Variants in TEX36 observed in about 807,000 individuals in gnomAD.
TEX36 encodes the protein testis-expressed protein 36.
Under a neutral mutation model 13.6 loss-of-function variants are expected in TEX36, and 12 were observed. The observed-to-expected ratio is 0.88, with a 90% CI of 0.56 to 1.43. The LOEUF (loss-of-function observed/expected upper bound fraction) is 1.43. Ranked by LOEUF, TEX36 falls within the 40% of genes most tolerant of loss-of-function variation. The pLI is 0.00. For missense variants in TEX36, 224 were observed against 228.3 expected (o/e 0.98, Z 0.12); for synonymous variants, 93 against 83.0 (o/e 1.12, Z -0.65).
chr10:125,612,970 C>A (rs1051767997), intron 3 of TEX36, among the ~76,000 whole-genome samples: 9 of 151,938 alleles, frequency 5.9e-5, no homozygotes, highest in Non-Finnish European at 1.3e-4. Flanking sequence ...CTAAAGGCAG[C>A]CACCAGCCAC....
chr10:125,601,207 T>C (rs540589322), intron 3 of TEX36, among the ~76,000 whole-genome samples: 1 of 152,396 alleles, frequency 6.6e-6, no homozygotes, highest in South Asian at 2.1e-4. Context: ...ATGTTTACAA[T>C]GTTTGAGGAA....
chr10:125,598,075 T>G lies in TEX36; in HGVS notation c.265-21201A>C, dbSNP rs967621946. Among the ~76,000 whole-genome samples, 4 of 151,866 alleles carry G rather than the reference T, an allele frequency of 2.6e-5. No individual in the cohort carries two copies. The South Asian group carries it at 8.3e-4, about 32-fold the overall frequency. On this transcript the variant is annotated intron_variant, in intron 3 of 3. Transcript: ENST00000532135. ...ATGCCAGGGTTAAGGAGGGTGGGAG[T>G]GGCAGGCCCCTAAGAGGGGTCCCTG... is the stretch of plus-strand genomic sequence containing the variant.
intron 1 of TEX36, among the ~76,000 whole-genome samples, chr10:125,679,139 C>CG (rs1847355831): frequency 7.9e-6 from 1 of 127,082 alleles, no homozygotes; most frequent in South Asian, 2.7e-4. Flanking sequence ...TACAGGAGCA[C>CG]CCCCCCCGCC....
chr10:125,588,345 CTG>C (rs1157309290), intron 3 of TEX36, among the ~76,000 whole-genome samples: 6 of 152,174 alleles, frequency 3.9e-5, no homozygotes, highest in Admixed American at 3.9e-4. Context: ...ATTTCACTTA[CTG>C]TGAATATGCG....
rs756593760 is a variant in TEX36 at position 125,656,155 on chromosome 10, A to G, written c.306T>C (p.His102=). The change falls in exon 4 of 4, where the codon CAT becomes CAC. Residue 102 remains histidine (H), a synonymous_variant. Coordinates refer to ENST00000368821, the MANE Select transcript of TEX36 (RefSeq NM_001128202.3). ...RKKISPDKRQ[H]VSRNFNLWAC... ...CCCAGAGATTAAAATTTCTTGAAAC[A>G]TGTTGCCTCTTATCTGGAGAGATCT... 6.5e-6 allele frequency: 10 copies of G among 1,543,108 alleles called. No individual in the cohort carries two copies. Among genetic ancestry groups the G allele is most frequent in the Non-Finnish European group, 1.7e-6 (2 of 1,144,656 alleles).
chr10:125,630,964 C>A (rs1301374359), intron 3 of TEX36, among the ~76,000 whole-genome samples: 1 of 151,916 alleles, frequency 6.6e-6, no homozygotes, highest in Non-Finnish European at 1.5e-5. Context: ...GGGAATGGGA[C>A]TTCTCCCTAT....
chr10:125,644,581 A>G (rs1160096064), intron 3 of TEX36, among the ~76,000 whole-genome samples: 1 of 152,222 alleles, frequency 6.6e-6, no homozygotes, highest in East Asian at 1.9e-4. Flanking sequence ...AAAACTGTGA[A>G]ATCTGAATAA....
intron 1 of TEX36, among the ~76,000 whole-genome samples, chr10:125,672,054 T>A (rs1380483084): frequency 6.6e-6 from 1 of 151,964 alleles, no homozygotes. Context: ...GTGGTCTATT[T>A]TATTAATGTT....
intron 3 of TEX36, among the ~76,000 whole-genome samples, chr10:125,580,920 C>A (rs1845874478): frequency 6.6e-6 from 1 of 152,170 alleles, no homozygotes; most frequent in Admixed American, 6.5e-5. Flanking sequence ...CTCTAAGGAC[C>A]TCAACCCAGA....
chr10:125,576,914 T>G, intron 3 of TEX36: 1 of 1,535,828 alleles, frequency 6.5e-7, no homozygotes. Flanking sequence ...TGAGTAGTTG[T>G]GTGCTTAAAT....
chr10:125,667,836 TC>T, intron 1 of TEX36: 1 of 1,459,254 alleles, frequency 6.9e-7, no homozygotes, highest in South Asian at 1.2e-5. Flanking sequence ...TTGGCAATGC[TC>T]CCAGTGGACT....
chr10:125,668,756 T>C (rs930730916), intron 1 of TEX36, among the ~76,000 whole-genome samples: 1 of 152,266 alleles, frequency 6.6e-6, no homozygotes, highest in African/African-American at 2.4e-5. Flanking sequence ...CTTCTGCTAA[T>C]GCTGGGTTTG....
chr10:125,683,051 G>T lies in TEX36; in HGVS notation c.-62C>A, dbSNP rs993637100. 6.5e-6 allele frequency: 10 copies of T among 1,531,232 alleles called. No individual in the cohort carries two copies. The Admixed American group carries it at 1.4e-4, about 21-fold the overall frequency. 94.9% of individuals were successfully genotyped at this position (1,531,232 alleles called of 1,614,324 possible). On this transcript the variant is annotated 5_prime_UTR_variant, in exon 1 of 4. Transcript: ENST00000368821. ...CCTCACCTCTCCATAAGCTCTACAT[G>T]TCTGGGAAGCTGCTTCCTAAACTTC...
At chr10:125,584,645 T>C (rs1845921857) in intron 3 of TEX36, among the ~76,000 whole-genome samples, 1 of 152,106 alleles carries the variant, frequency 6.6e-6, no homozygotes, top group Non-Finnish European at 1.5e-5. Flanking sequence ...ATAGTGTACT[T>C]GTAAAAAGAG....
chr10:125,658,756 A>G (rs1205887246), intron 3 of TEX36, among the ~76,000 whole-genome samples: 1 of 152,098 alleles, frequency 6.6e-6, no homozygotes, highest in African/African-American at 2.4e-5. Context: ...ATAATTCAAA[A>G]CATTCTTCCA....
At chr10:125,649,676 G>T (rs1469347215) in intron 3 of TEX36, among the ~76,000 whole-genome samples, 2 of 152,176 alleles carry the variant, frequency 1.3e-5, no homozygotes, top group Non-Finnish European at 2.9e-5. Flanking sequence ...TGGGCTAAAT[G>T]CTCCAATTAA....
chr10:125,594,274 G>A (rs1846055444), intron 3 of TEX36, among the ~76,000 whole-genome samples: 2 of 152,120 alleles, frequency 1.3e-5, no homozygotes, highest in East Asian at 1.9e-4. Flanking sequence ...AATAAGCAAA[G>A]GTTAAAAGTA....
intron 3 of TEX36, among the ~76,000 whole-genome samples, chr10:125,616,410 T>C (rs1162327560): frequency 3.7e-5 from 5 of 135,200 alleles, no homozygotes; most frequent in African/African-American, 1.4e-4. Context: ...CTGCTTTCTC[T>C]TGTGGGCATT....
At chr10:125,578,333 T>C (rs1285296604) in intron 3 of TEX36, 1 of 152,206 alleles carries the variant, frequency 6.6e-6, no homozygotes, top group Non-Finnish European at 1.5e-5. Flanking sequence ...TTGACTACTA[T>C]GGATGATGAA....
Sources: gnomAD v4.1 joint callset for allele counts (sites outside exome capture counted in the v4.1 genomes callset) on GRCh38, gnomAD v4.1.1 for gene constraint, MANE v1.5 for transcripts, NCBI Gene and HGNC (gene_info 2026-07-23, HGNC 2026-07-21) for gene names.